The following KLHL26 variants were observed in gnomAD, a reference collection of about 807,000 sequenced individuals.
The protein encoded by KLHL26 is kelch like family member 26, also known as kelch-like protein 26.
KLHL26 carries 4 observed loss-of-function variants against 7.1 expected under a neutral mutation model. That is an observed-to-expected ratio of 0.56 (90% CI 0.28 to 1.28). KLHL26 has a LOEUF of 1.28. Among genes scored for constraint, KLHL26 ranks in the 50% most tolerant of loss-of-function variants. The probability of loss-of-function intolerance (pLI) is 0.11; values close to 1 mark genes in which losing one functional copy is unlikely to be tolerated. For synonymous variants in KLHL26, 465 were observed against 414.1 expected, an observed-to-expected ratio of 1.12 and a Z score of -1.49; for missense variants, 896 against 924.6, an observed-to-expected ratio of 0.97 and a Z score of 0.40.
chr19:18,645,664 T>C (rs1976788902), intron 1 of KLHL26, among the ~76,000 whole-genome samples: 1 of 151,780 alleles, frequency 6.6e-6, no homozygotes, highest in Non-Finnish European at 1.5e-5. Flanking sequence ...ATACAAAAAT[T>C]AGTCAGGTGT....
chr19:18,651,599 T>C (rs533205795), intron 1 of KLHL26, among the ~76,000 whole-genome samples: 2 of 152,356 alleles, frequency 1.3e-5, no homozygotes, highest in South Asian at 4.1e-4. Flanking sequence ...GGTGCTGGGC[T>C]AAGCTGTGGA....
At chr19:18,644,121 T>C (rs1002779550) in intron 1 of KLHL26, among the ~76,000 whole-genome samples, 9 of 152,200 alleles carry the variant, frequency 5.9e-5, no homozygotes, top group African/African-American at 2.2e-4. Context: ...GCAGTCTGTC[T>C]CTATCCGTTT....
At chr19:18,667,040 A>T (rs1179834032) in intron 2 of KLHL26, among the ~76,000 whole-genome samples, 1 of 152,204 alleles carries the variant, frequency 6.6e-6, no homozygotes, top group African/African-American at 2.4e-5. Flanking sequence ...TGCAGCTCCA[A>T]CACGATCTAG....
chr19:18,637,228 G>A (rs962368068), intron 1 of KLHL26, 91 bp downstream of exon 1: 10 of 1,182,232 alleles, frequency 8.5e-6, no homozygotes, highest in Middle Eastern at 2.2e-4. Flanking sequence ...GTTGAGGGGA[G>A]GCCTGGCACG....
intron 1 of KLHL26, among the ~76,000 whole-genome samples, chr19:18,639,491 C>A (rs1976676671): frequency 7.2e-6 from 1 of 138,514 alleles, no homozygotes; most frequent in African/African-American, 2.7e-5. Context: ...CTCACTGCAA[C>A]CTTTGCCTCC....
At position 18,641,382 on chromosome 19, in the gene KLHL26, G is replaced by A. The variant is rs948695087; in HGVS notation, c.83+4245G>A. Among the ~76,000 whole-genome samples the A allele has an allele frequency of 2.0e-5, 3 of 147,872 alleles. No homozygotes were observed. The East Asian group carries it at 6.0e-4, about 29-fold the overall frequency. On this transcript the variant is annotated intron_variant, in intron 1 of 2. Transcript: ENST00000300976. The stretch of plus-strand genomic sequence containing the variant: ...TGCCCAGGCTGGAGTGCAGTGGTGC[G>A]ATCCTAGCTCATTGTAACCTCCACC...
chr19:18,667,951 A>G lies in KLHL26; in HGVS notation c.554A>G (p.Asp185Gly), dbSNP rs1198655903. Residue 185 changes from aspartate (D) to glycine (G), a missense_variant, in exon 3 of 3, where the codon GAT (aspartate) becomes GGT (glycine). Transcript: ENST00000300976. ...FSLASLRESV[D>G]AFTFRHFLQI... ...CTGGCCTCGCTGCGAGAGTCGGTGG[A>G]TGCCTTCACCTTCCGGCACTTCCTG... 1 of 1,609,734 alleles carries G rather than the reference A, an allele frequency of 6.2e-7. No individual in the cohort carries two copies. Among genetic ancestry groups the G allele is most frequent in the African/African-American group, 1.3e-5 (1 of 74,912 alleles).
At chr19:18,643,745 T>C (rs1600683839) in intron 1 of KLHL26, among the ~76,000 whole-genome samples, 1 of 152,196 alleles carries the variant, frequency 6.6e-6, no homozygotes, top group East Asian at 1.9e-4. Flanking sequence ...CCTAAAGTGC[T>C]GCGATTACAG....
At chr19:18,660,780 C>T (rs892066743) in intron 1 of KLHL26, among the ~76,000 whole-genome samples, 9 of 152,146 alleles carry the variant, frequency 5.9e-5, no homozygotes, top group Non-Finnish European at 8.8e-5. Flanking sequence ...GTGAGGGTGA[C>T]GTCAGGGGCC....
intron 1 of KLHL26, among the ~76,000 whole-genome samples, chr19:18,651,136 T>C (rs559260547): frequency 6.6e-6 from 1 of 152,264 alleles, no homozygotes; most frequent in South Asian, 2.1e-4. Context: ...TACGTTGGGG[T>C]GCAAGGTCTG....
At position 18,650,813 on chromosome 19, in the gene KLHL26, G is replaced by A. The variant is rs978709867; in HGVS notation, c.84-13448G>A. 7.2e-5 allele frequency among the ~76,000 whole-genome samples: 11 copies of A among 152,336 alleles called. No homozygotes were observed. The highest frequency in any genetic ancestry group is 2.2e-4 in the African/African-American group (9 of 41,572). ...CGGACGGAGTGGAGCCGTCTGTCTC[G>A]TCACAGACAGGCGGGGCTGCGGCTG... is the stretch of plus-strand genomic sequence containing the variant. On this transcript the variant is annotated intron_variant, in intron 1 of 2. Transcript: ENST00000300976. The surrounding 1 kb of genome is among the most constrained non-coding windows in gnomAD (Gnocchi z 4.2).
intron 1 of KLHL26, among the ~76,000 whole-genome samples, chr19:18,645,949 C>T (rs1600686147): frequency 6.6e-6 from 1 of 152,250 alleles, no homozygotes; most frequent in East Asian, 1.9e-4. Context: ...GCTGGGTGGC[C>T]TTTGCCTGTT....
At chr19:18,658,477 T>G (rs2052356421) in intron 1 of KLHL26, among the ~76,000 whole-genome samples, 1 of 98,278 alleles carries the variant, frequency 1.0e-5, no homozygotes, top group African/African-American at 4.1e-5. Context: ...ATTTCTCTCC[T>G]TGTCTCTCTG....
chr19:18,668,311 G>T lies in KLHL26; in HGVS notation c.914G>T (p.Arg305Leu), dbSNP rs144974449. The change falls in exon 3 of 3, where the codon CGC becomes CTC. Residue 305 changes from arginine to leucine, a missense_variant. Arg to Leu is a moderately radical substitution (Grantham distance 102). Coordinates refer to ENST00000300976, the MANE Select transcript of KLHL26 (RefSeq NM_018316.3). ...ATGCAGTCTCCGCGCACCGCCGTGC[G>T]CTCGGATGTGCCCTCGCTCGTCACC... ...HEMQSPRTAV[R>L]SDVPSLVTFG... The T allele has an allele frequency of 6.2e-7, 1 of 1,610,938 alleles. No homozygotes were observed. Among genetic ancestry groups the T allele is most frequent in the Non-Finnish European group, 8.5e-7 (1 of 1,179,772 alleles).
intron 1 of KLHL26, among the ~76,000 whole-genome samples, chr19:18,639,121 G>A (rs1976667653): frequency 6.6e-6 from 1 of 151,936 alleles, no homozygotes; most frequent in East Asian, 1.9e-4. Flanking sequence ...TGTCACCCAG[G>A]CTGGAGTGCA....
chr19:18,659,414 G>GTGCTGTGC (rs1313823248), intron 1 of KLHL26, among the ~76,000 whole-genome samples: 2 of 152,224 alleles, frequency 1.3e-5, no homozygotes, highest in African/African-American at 4.8e-5. Flanking sequence ...CCAACCAGCT[G>GTGCTGTGC]TGCTGTGCTG....
chr19:18,659,378 C>T (rs920562340), intron 1 of KLHL26, among the ~76,000 whole-genome samples: 3 of 152,202 alleles, frequency 2.0e-5, no homozygotes, highest in South Asian at 2.1e-4. Flanking sequence ...GACCCTGGGG[C>T]GGCATCGCAT....
chr19:18,650,081 C>A lies in KLHL26; in HGVS notation c.83+12944C>A, dbSNP rs1976877075. ...CCTGGAGGAGATCTTGAGGGGTGGA[C>A]CTTCAGGCTTGTAAAGGCCTGGAGG... On this transcript the variant is annotated intron_variant, in intron 1 of 2. Transcript: ENST00000300976. This position sits in a 1 kb window ranked among gnomAD's most constrained non-coding sequence, Gnocchi z 4.2. Among the ~76,000 whole-genome samples the A allele has an allele frequency of 6.6e-6, 1 of 152,186 alleles. No homozygotes were observed. The highest frequency in any genetic ancestry group is 1.5e-5 in the Non-Finnish European group (1 of 68,028).
At chr19:18,660,089 TC>T (rs1320443261) in intron 1 of KLHL26, among the ~76,000 whole-genome samples, 4 of 151,660 alleles carry the variant, frequency 2.6e-5, no homozygotes, top group African/African-American at 9.7e-5. Context: ...TAACAGGTGG[TC>T]CACCTGGGGG....
Sources: allele counts gnomAD v4.1 joint callset (sites outside exome capture counted in the v4.1 genomes callset), GRCh38; gene constraint gnomAD v4.1.1; non-coding constraint Gnocchi (gnomAD v3.1); transcripts MANE v1.5; gene names NCBI Gene and HGNC (gene_info 2026-07-23, HGNC 2026-07-21).